The following LARP1B variants were observed in gnomAD, a reference collection of about 807,000 sequenced individuals.
LARP1B encodes La ribonucleoprotein 1B.
A neutral mutation model predicts 114.2 loss-of-function variants in LARP1B; 76 were observed. That is an observed-to-expected ratio of 0.67 (90% CI 0.55 to 0.81). The LOEUF (loss-of-function observed/expected upper bound fraction) is 0.81, where lower values mean the gene tolerates loss of function less well. Ranked by LOEUF, LARP1B falls within the 30% of genes least tolerant of loss-of-function variation. The pLI, the probability that LARP1B is intolerant of heterozygous loss-of-function variation, is 0.00. For missense variants in LARP1B, 1,014 were observed against 1,075.8 expected, an observed-to-expected ratio of 0.94 and a Z score of 0.80; for synonymous variants, 345 against 348.0, an observed-to-expected ratio of 0.99 and a Z score of 0.10.
chr4:128,086,256 T>A (rs1205458693), intron 5 of LARP1B, among the ~76,000 whole-genome samples: 1 of 152,080 alleles, frequency 6.6e-6, no homozygotes, highest in Non-Finnish European at 1.5e-5. Context: ...CCACCCTCTT[T>A]GGCCTCCCAA....
intron 13 of LARP1B, among the ~76,000 whole-genome samples, chr4:128,177,525 C>G (rs1412505985): frequency 1.3e-5 from 2 of 151,640 alleles, no homozygotes; most frequent in African/African-American, 4.8e-5. Flanking sequence ...ATAAAAAAAA[C>G]AGTCAAAGGA....
chr4:128,107,093 A>G (rs1320078462), intron 8 of LARP1B, 46 bp from the exon 9 acceptor site: 2 of 1,501,580 alleles, frequency 1.3e-6, no homozygotes, highest in East Asian at 4.5e-5. Context: ...TATAGCACAG[A>G]CAGTGAAATA....
At chr4:128,141,726 C>T (rs1394504276) in intron 11 of LARP1B, among the ~76,000 whole-genome samples, 1 of 152,156 alleles carries the variant, frequency 6.6e-6, no homozygotes, top group Non-Finnish European at 1.5e-5. Context: ...TTGAGACCAT[C>T]AGCAAGCACG....
chr4:128,116,037 C>T (rs1021606244), intron 10 of LARP1B, among the ~76,000 whole-genome samples: 3 of 152,096 alleles, frequency 2.0e-5, no homozygotes, highest in Admixed American at 1.3e-4. Context: ...ATTTATATAT[C>T]TGGTTTATAT....
chr4:128,128,049 C>T (rs1338676155), intron 11 of LARP1B, among the ~76,000 whole-genome samples: 1 of 152,176 alleles, frequency 6.6e-6, no homozygotes, highest in East Asian at 1.9e-4. Flanking sequence ...GTTTCAACAA[C>T]TGGGACTCTG....
At chr4:128,121,196 T>G (rs1324553821) in intron 10 of LARP1B, among the ~76,000 whole-genome samples, 1 of 152,038 alleles carries the variant, frequency 6.6e-6, no homozygotes, top group Non-Finnish European at 1.5e-5. Flanking sequence ...GAGGATAGAG[T>G]AGAGGGATTA....
At chr4:128,114,424 T>C in intron 9 of LARP1B, 146 bp from the exon 10 acceptor site, 1 of 636,436 alleles carries the variant, frequency 1.6e-6, no homozygotes, top group South Asian at 2.2e-5. Flanking sequence ...CCCTTCAGGT[T>C]TGAAAATCAC....
At chr4:128,156,779 C>T (rs1466579640) in intron 11 of LARP1B, among the ~76,000 whole-genome samples, 1 of 150,956 alleles carries the variant, frequency 6.6e-6, no homozygotes, top group Non-Finnish European at 1.5e-5. Flanking sequence ...ATCCAAGCCT[C>T]CACAGTGAGA....
At chr4:128,204,263 CAA>C (rs1005828893) in intron 17 of LARP1B, among the ~76,000 whole-genome samples, 2 of 125,644 alleles carry the variant, frequency 1.6e-5, no homozygotes, top group Non-Finnish European at 3.5e-5. Flanking sequence ...GTTTTGGGTA[CAA>C]AAAAAAAAAA....
At chr4:128,068,939 A>G (rs1764122613) in intron 1 of LARP1B, 2 of 547,042 alleles carry the variant, frequency 3.7e-6, no homozygotes, top group Admixed American at 3.2e-5. Flanking sequence ...GTTTTAACAG[A>G]TAAATAATAC....
At chr4:128,220,516 C>T (rs1759932741) in intron 7 of LARP1B, 1 of 178,030 alleles carries the variant, frequency 5.6e-6, no homozygotes, top group South Asian at 1.9e-4. Flanking sequence ...ATTACTCTTG[C>T]ATTCCTAATA....
chr4:128,213,774 A>G (rs1250966119), downstream of LARP1B, among the ~76,000 whole-genome samples: 2 of 152,188 alleles, frequency 1.3e-5, no homozygotes, highest in African/African-American at 2.4e-5. Flanking sequence ...CATTTTCTAT[A>G]TAAAAGGAAT....
chr4:128,166,958 C>CTA (rs1482074721), intron 12 of LARP1B, among the ~76,000 whole-genome samples: 6 of 113,638 alleles, frequency 5.3e-5, no homozygotes, highest in South Asian at 2.7e-4. Context: ...CTCTCTCTCT[C>CTA]TCTCTCTCTC....
At chr4:128,188,499 C>CA (rs1751113377) in intron 15 of LARP1B, among the ~76,000 whole-genome samples, 1 of 152,136 alleles carries the variant, frequency 6.6e-6, no homozygotes, top group African/African-American at 2.4e-5. Context: ...GTTTTAGTCT[C>CA]AATTTTATTT....
chr4:128,217,717 C>A (rs1283085764), intron 6 of LARP1B, among the ~76,000 whole-genome samples: 3 of 44,450 alleles, frequency 6.7e-5, no homozygotes, highest in African/African-American at 2.9e-4. Flanking sequence ...GGAAGCATTC[C>A]CTTTGAAAAC....
At chr4:128,214,297 C>A (rs1460982878), downstream of LARP1B, among the ~76,000 whole-genome samples, 2 of 148,372 alleles carry the variant, frequency 1.3e-5, no homozygotes, top group Non-Finnish European at 3.0e-5. Context: ...GGGTGGAGCC[C>A]ACCACAGCTC....
intron 17 of LARP1B, among the ~76,000 whole-genome samples, chr4:128,204,420 C>T (rs192137071): frequency 5.3e-5 from 8 of 151,646 alleles, no homozygotes; most frequent in Non-Finnish European, 1.2e-4. Context: ...TTTGGGAGAC[C>T]GAGGTAGGTG....
At chr4:128,107,077 T>G in intron 8 of LARP1B, 62 bp from the exon 9 acceptor site, 1 of 1,389,700 alleles carries the variant, frequency 7.2e-7, no homozygotes, top group Admixed American at 2.2e-5. Context: ...TTTAGGTTCT[T>G]AGAAGTATAG....
At chr4:128,219,955 G>A (rs896889052) in intron 6 of LARP1B, among the ~76,000 whole-genome samples, 5 of 152,026 alleles carry the variant, frequency 3.3e-5, no homozygotes, top group South Asian at 2.1e-4. Flanking sequence ...GCACGATCTC[G>A]GCTCACTGTA....
Sources: allele counts gnomAD v4.1 joint callset (sites outside exome capture counted in the v4.1 genomes callset), GRCh38; gene constraint gnomAD v4.1.1; transcripts MANE v1.5; gene names NCBI Gene and HGNC (gene_info 2026-07-23, HGNC 2026-07-21).